The following LRRC74A variants were observed in gnomAD, a reference collection of about 807,000 sequenced individuals.
LRRC74A encodes leucine-rich repeat-containing protein 74A.
Under a neutral mutation model 57.9 loss-of-function variants are expected in LRRC74A, and 44 were observed. The observed-to-expected ratio is 0.76, with a 90% CI of 0.60 to 0.98. The LOEUF is 0.98. Ranked by LOEUF, LRRC74A falls within the 50% of genes least tolerant of loss-of-function variation. The pLI is 0.00. For synonymous variants in LRRC74A, 211 were observed against 219.4 expected, an observed-to-expected ratio of 0.96 and a Z score of 0.34; for missense variants, 572 against 574.0, an observed-to-expected ratio of 1.00 and a Z score of 0.04.
chr14:76,832,543 G>T (rs1896044052), intron 3 of LRRC74A, among the ~76,000 whole-genome samples: 2 of 152,192 alleles, frequency 1.3e-5, no homozygotes, highest in African/African-American at 4.8e-5. Context: ...CCTGGGCTCA[G>T]GTGATCCACC....
At chr14:76,843,651 C>T (rs1896929977) in intron 5 of LRRC74A, among the ~76,000 whole-genome samples, 1 of 152,120 alleles carries the variant, frequency 6.6e-6, no homozygotes, top group Non-Finnish European at 1.5e-5. Context: ...CCATGTAATA[C>T]TTGCTTTAAG....
At chr14:76,841,234 G>A (rs953284075) in intron 5 of LRRC74A, among the ~76,000 whole-genome samples, 2 of 152,054 alleles carry the variant, frequency 1.3e-5, no homozygotes, top group Non-Finnish European at 2.9e-5. Flanking sequence ...TAGAGACAGA[G>A]TTTTGCCATG....
chr14:76,834,755 T>C lies in LRRC74A; in HGVS notation c.340-1452T>C, dbSNP rs138636506. 2.2e-3 allele frequency among the ~76,000 whole-genome samples: 341 copies of C among 152,304 alleles called. 1 individual carries two copies. Among genetic ancestry groups the C allele is most frequent in the Admixed American group, 3.4e-3 (52 of 15,300 alleles). ...CCCTGGAATGTGCTGGTCCCCAGTA[T>C]GAATCTGGCAGTGGTGATTCGACTC... is the stretch of plus-strand genomic sequence containing the variant. On this transcript the variant is annotated intron_variant, in intron 3 of 13. Transcript: ENST00000689127.
chr14:76,844,452 C>T lies in LRRC74A; in HGVS notation c.574C>T (p.Leu192=). 1.2e-6 allele frequency: 2 copies of T among 1,612,536 alleles called. No individual in the cohort carries two copies. Among genetic ancestry groups the T allele is most frequent in the African/African-American group, 2.7e-5 (2 of 75,002 alleles). ...GNDFKEDSAA[L]LCQALSTNYQ... is the part of the protein sequence containing the mutation. ...TGACTTCAAGGAAGACTCCGCAGCA[C>T]TGCTCTGCCAAGCCCTGTCGGTAAG... The change falls in exon 6 of 14, where the codon CTG becomes TTG. Residue 192 remains leucine (L), a synonymous_variant. Coordinates refer to ENST00000689127, the MANE Select transcript of LRRC74A (RefSeq NM_001385106.1).
At chr14:76,852,603 A>C in intron 8 of LRRC74A, among the ~76,000 whole-genome samples, 153 bp downstream of exon 8, 1 of 147,416 alleles carries the variant, frequency 6.8e-6, no homozygotes. Flanking sequence ...TCTCCCTCCC[A>C]CAATTCCTGG....
intron 11 of LRRC74A, among the ~76,000 whole-genome samples, chr14:76,865,049 G>A (rs926980163): frequency 2.0e-5 from 3 of 152,222 alleles, no homozygotes; most frequent in Admixed American, 1.3e-4. Context: ...TCCACACCAA[G>A]ATGTTACCTC....
intron 10 of LRRC74A, 87 bp downstream of exon 10, chr14:76,857,562 G>C: frequency 1.1e-6 from 1 of 927,402 alleles, no homozygotes; most frequent in Non-Finnish European, 1.7e-6. Flanking sequence ...AGAGCCAACA[G>C]CTCTATCCCT....
At chr14:76,837,664 C>G (rs146595669) in intron 4 of LRRC74A, among the ~76,000 whole-genome samples, 5 of 152,260 alleles carry the variant, frequency 3.3e-5, no homozygotes, top group African/African-American at 9.6e-5. Context: ...CCACGGGTCC[C>G]ACCGGGAGGC....
At chr14:76,851,214 C>T (rs561664082) in intron 7 of LRRC74A, among the ~76,000 whole-genome samples, 3 of 152,350 alleles carry the variant, frequency 2.0e-5, no homozygotes, top group South Asian at 2.1e-4. Flanking sequence ...CCACTGCAGC[C>T]GTGGCCTGCC....
intron 7 of LRRC74A, among the ~76,000 whole-genome samples, chr14:76,851,905 C>A (rs1897524814): frequency 6.6e-6 from 1 of 152,000 alleles, no homozygotes; most frequent in East Asian, 1.9e-4. Flanking sequence ...ACTTCGTGAT[C>A]TGCCCATGTC....
At chr14:76,848,305 TC>T in intron 7 of LRRC74A, among the ~76,000 whole-genome samples, 1 of 97,990 alleles carries the variant, frequency 1.0e-5, no homozygotes, top group East Asian at 2.7e-4. Context: ...AATATTACTT[TC>T]AAAAATAAAT....
chr14:76,852,481 G>T, intron 8 of LRRC74A, 31 bp downstream of exon 8: 1 of 1,522,724 alleles, frequency 6.6e-7, no homozygotes, highest in Admixed American at 1.8e-5. Context: ...GATGTGTGGA[G>T]CCCAGTTGAG....
At chr14:76,863,457 A>ACTTTT (rs1424591808) in intron 11 of LRRC74A, among the ~76,000 whole-genome samples, 1 of 152,036 alleles carries the variant, frequency 6.6e-6, no homozygotes. Flanking sequence ...CACCTGGAAC[A>ACTTTT]CTTTTCTTCT....
At chr14:76,864,724 C>T (rs191028941) in intron 11 of LRRC74A, among the ~76,000 whole-genome samples, 65 of 152,198 alleles carry the variant, frequency 4.3e-4, no homozygotes, top group African/African-American at 1.2e-3. Flanking sequence ...CATGATGGCG[C>T]ATGCCTGTAA....
chr14:76,867,144 G>GGGT (rs1898945374), intron 12 of LRRC74A, among the ~76,000 whole-genome samples: 1 of 9,524 alleles, frequency 1.0e-4, no homozygotes, highest in African/African-American at 4.3e-4. Context: ...AGTGTGGGGG[G>GGGT]GTGTGTGTGT....
intron 7 of LRRC74A, among the ~76,000 whole-genome samples, chr14:76,845,890 T>C (rs896557322): frequency 2.0e-5 from 3 of 152,136 alleles, no homozygotes; most frequent in African/African-American, 4.8e-5. Context: ...TGGTGGTGCA[T>C]GCCTGTAATC....
chr14:76,860,592 C>A (rs1041918126), intron 10 of LRRC74A, 101 bp from the exon 11 acceptor site: 8 of 1,190,084 alleles, frequency 6.7e-6, no homozygotes, highest in Non-Finnish European at 8.8e-6. Context: ...AGAGACAAAA[C>A]TTCCTGACTT....
intron 7 of LRRC74A, 145 bp from the exon 8 acceptor site, chr14:76,852,220 A>G (rs990807080): frequency 8.6e-6 from 5 of 581,834 alleles, no homozygotes; most frequent in Non-Finnish European, 1.5e-5. Flanking sequence ...TGTTTAAATG[A>G]ATAACTAAAA....
At chr14:76,830,673 A>G (rs1004087923) in intron 2 of LRRC74A, among the ~76,000 whole-genome samples, 1 of 152,250 alleles carries the variant, frequency 6.6e-6, no homozygotes, top group Non-Finnish European at 1.5e-5. Context: ...TGCCATTTTG[A>G]GAAGTCCACT....
Sources: allele counts gnomAD v4.1 joint callset (sites outside exome capture counted in the v4.1 genomes callset), GRCh38; gene constraint gnomAD v4.1.1; transcripts MANE v1.5; gene names NCBI Gene and HGNC (gene_info 2026-07-23, HGNC 2026-07-21).